The following NTRK2 variants were observed in gnomAD, a reference collection of about 807,000 sequenced individuals.
NTRK2 encodes neurotrophic receptor tyrosine kinase 2.
A neutral mutation model predicts 94.5 loss-of-function variants in NTRK2; 13 were observed. That is an observed-to-expected ratio of 0.14 (90% CI 0.09 to 0.22). The LOEUF is 0.22. Ranked by LOEUF, NTRK2 falls within the 10% of genes least tolerant of loss-of-function variation. NTRK2 has a pLI of 1.00. For synonymous variants in NTRK2, 372 were observed against 407.4 expected (o/e 0.91, Z 1.05); for missense variants, 639 against 1,071.2 (o/e 0.60, Z 5.63).
chr9:84,891,639 G>A (rs142762776), intron 14 of NTRK2, among the ~76,000 whole-genome samples: 50 of 152,274 alleles, frequency 3.3e-4, no homozygotes, highest in South Asian at 6.2e-4. Flanking sequence ...CCAGTAGGGC[G>A]GATCTGGGAC....
At chr9:84,869,909 C>T (rs1242826205) in intron 14 of NTRK2, among the ~76,000 whole-genome samples, 1 of 151,678 alleles carries the variant, frequency 6.6e-6, no homozygotes, top group Non-Finnish European at 1.5e-5. Flanking sequence ...CCAATTTAAA[C>T]AGATTTAGAT....
intron 17 of NTRK2, among the ~76,000 whole-genome samples, chr9:84,962,614 T>C (rs1369589462): frequency 6.6e-6 from 1 of 152,150 alleles, no homozygotes; most frequent in Non-Finnish European, 1.5e-5. Context: ...TAGGGAAAAG[T>C]GGACATTGCC....
intron 15 of NTRK2, among the ~76,000 whole-genome samples, chr9:84,935,855 C>CT (rs896600562): frequency 6.6e-6 from 1 of 152,016 alleles, no homozygotes; most frequent in East Asian, 1.9e-4. Flanking sequence ...CTTACTGTAT[C>CT]TTTTTTTTCC....
chr9:84,929,145 T>C (rs975272847), intron 14 of NTRK2, among the ~76,000 whole-genome samples: 21 of 152,204 alleles, frequency 1.4e-4, no homozygotes, highest in African/African-American at 4.6e-4. Context: ...TGTGTATATA[T>C]GGAATATGTA....
At chr9:84,943,311 TAA>T (rs2078477570) in intron 15 of NTRK2, among the ~76,000 whole-genome samples, 3 of 152,226 alleles carry the variant, frequency 2.0e-5, no homozygotes, top group Non-Finnish European at 4.4e-5. Flanking sequence ...CCATTAACCT[TAA>T]CATTTTGCTG....
intron 12 of NTRK2, among the ~76,000 whole-genome samples, chr9:84,842,370 T>A (rs1345643381): frequency 6.6e-6 from 1 of 152,072 alleles, no homozygotes; most frequent in Non-Finnish European, 1.5e-5. Flanking sequence ...GGAAAGAACG[T>A]TTTTAAGGCA....
At chr9:84,925,165 G>A (rs1268999254) in intron 14 of NTRK2, among the ~76,000 whole-genome samples, 1 of 150,930 alleles carries the variant, frequency 6.6e-6, no homozygotes, top group Non-Finnish European at 1.5e-5. Flanking sequence ...ATCTCTTCCA[G>A]CAGTTATCTC....
At chr9:84,746,594 C>G (rs1028645576) in intron 11 of NTRK2, among the ~76,000 whole-genome samples, 3 of 152,094 alleles carry the variant, frequency 2.0e-5, no homozygotes, top group African/African-American at 7.2e-5. Flanking sequence ...ATATGAAAGC[C>G]ACACTCTTCA....
intron 2 of NTRK2, among the ~76,000 whole-genome samples, chr9:84,675,425 C>G (rs575923694): frequency 7.4e-6 from 1 of 134,610 alleles, no homozygotes; most frequent in African/African-American, 2.8e-5. Flanking sequence ...AAAACATTAT[C>G]AAACCATTAT....
intron 17 of NTRK2, among the ~76,000 whole-genome samples, chr9:84,980,170 A>G (rs1316004733): frequency 6.6e-6 from 1 of 152,146 alleles, no homozygotes; most frequent in Non-Finnish European, 1.5e-5. Flanking sequence ...CTTTTCTTCT[A>G]TACATTTTTC....
intron 12 of NTRK2, among the ~76,000 whole-genome samples, chr9:84,794,570 C>T (rs1049369335): frequency 3.9e-5 from 6 of 152,176 alleles, no homozygotes; most frequent in African/African-American, 1.4e-4. Context: ...ATAAAATACA[C>T]TTTAAATGAG....
intron 14 of NTRK2, among the ~76,000 whole-genome samples, chr9:84,915,230 G>A (rs58061269): frequency 0.058 from 8,795 of 152,162 alleles, 847 homozygotes; most frequent in African/African-American, 0.2. Flanking sequence ...TAGTCAGGGG[G>A]TTGGGGACCC....
At chr9:85,009,767 A>G (rs1354502649) in intron 17 of NTRK2, among the ~76,000 whole-genome samples, 1 of 152,200 alleles carries the variant, frequency 6.6e-6, no homozygotes, top group African/African-American at 2.4e-5. Context: ...GCAGAAAAGA[A>G]CCATAATGAT....
At chr9:84,736,092 T>C (rs2063240793) in intron 9 of NTRK2, among the ~76,000 whole-genome samples, 1 of 152,218 alleles carries the variant, frequency 6.6e-6, no homozygotes, top group Admixed American at 6.5e-5. Flanking sequence ...CCAAGTGATT[T>C]AACCCTTTGG....
Position 84,877,140 on chromosome 9 carries a change from C to G in NTRK2, c.1633+9709C>G, listed in dbSNP as rs116331847. On this transcript the variant is annotated intron_variant, in intron 14 of 18. Transcript: ENST00000277120. ...CTCGGATTGTGTATATGCTCTGCCACTTCCTACATATTACATCCTGAGTTT... is the reference window on the plus strand; with the variant it reads ...CTCGGATTGTGTATATGCTCTGCCAGTTCCTACATATTACATCCTGAGTTT... 1,002 of 1,064,964 alleles carry G rather than the reference C, an allele frequency of 9.4e-4. 7 individuals carry two copies. In the African/African-American group the frequency reaches 0.015, roughly 15 times the overall value. 66.0% of individuals were successfully genotyped at this position (1,064,964 alleles called of 1,614,324 possible).
At chr9:84,750,442 AT>A (rs1230257459) in intron 11 of NTRK2, among the ~76,000 whole-genome samples, 6 of 152,244 alleles carry the variant, frequency 3.9e-5, no homozygotes, top group Admixed American at 3.3e-4. Context: ...GACAAACAGC[AT>A]TAATGATTAC....
chr9:84,894,633 A>G (rs1009807747), intron 14 of NTRK2, among the ~76,000 whole-genome samples: 2 of 152,250 alleles, frequency 1.3e-5, no homozygotes, highest in Non-Finnish European at 2.9e-5. Flanking sequence ...GTCTTGTAAA[A>G]TTATTATCCA....
chr9:84,700,318 G>A (rs1173781393), intron 2 of NTRK2, among the ~76,000 whole-genome samples: 1 of 152,180 alleles, frequency 6.6e-6, no homozygotes, highest in Non-Finnish European at 1.5e-5. Flanking sequence ...TGTATCTAAA[G>A]TATGATAACT....
intron 12 of NTRK2, among the ~76,000 whole-genome samples, chr9:84,759,416 G>T (rs2132619104): frequency 6.6e-6 from 1 of 152,370 alleles, no homozygotes; most frequent in Middle Eastern, 3.4e-3. Context: ...AGCCTTGTAG[G>T]TGGATGCACT....
Sources: gnomAD v4.1 joint callset for allele counts (sites outside exome capture counted in the v4.1 genomes callset) on GRCh38, gnomAD v4.1.1 for gene constraint, MANE v1.5 for transcripts, NCBI Gene and HGNC (gene_info 2026-07-23, HGNC 2026-07-21) for gene names.